CSMD1: variants seen among roughly 807,000 people sequenced by gnomAD.
The protein encoded by CSMD1 is CUB and sushi domain-containing protein 1.
CSMD1 carries 213 observed loss-of-function variants against 417.5 expected under a neutral mutation model. The observed-to-expected ratio is 0.51, with a 90% CI of 0.46 to 0.57. The LOEUF (loss-of-function observed/expected upper bound fraction) is 0.57, where lower values mean the gene tolerates loss of function less well. Ranked by LOEUF, CSMD1 falls within the 20% of genes least tolerant of loss-of-function variation. The pLI is 0.00. For missense variants in CSMD1, 6,923 were observed against 4,529.7 expected (o/e 1.53, Z -15.17); for synonymous variants, 2,862 against 1,736.8 (o/e 1.65, Z -16.11).
chr8:4,659,195 A>C (rs1300236231), intron 1 of CSMD1, among the ~76,000 whole-genome samples: 1 of 152,136 alleles, frequency 6.6e-6, no homozygotes, highest in Non-Finnish European at 1.5e-5. Flanking sequence ...GACACACAAA[A>C]ATATATATGG....
chr8:3,519,714 T>C (rs1239338243), intron 10 of CSMD1, among the ~76,000 whole-genome samples: 2 of 152,178 alleles, frequency 1.3e-5, no homozygotes, highest in Non-Finnish European at 2.9e-5. Context: ...TGGTGCACGC[T>C]ATACAATGGG....
intron 1 of CSMD1, among the ~76,000 whole-genome samples, chr8:4,952,649 TC>T (rs1808829934): frequency 6.6e-6 from 1 of 152,108 alleles, no homozygotes; most frequent in Admixed American, 6.6e-5. Context: ...TGGTAGAGGT[TC>T]AAATATGGAT....
At chr8:4,964,086 T>C (rs779146395) in intron 1 of CSMD1, among the ~76,000 whole-genome samples, 4 of 151,712 alleles carry the variant, frequency 2.6e-5, no homozygotes, top group Non-Finnish European at 5.9e-5. Context: ...TCTGGGTTTA[T>C]TTTATTTTTT....
Position 3,904,632 on chromosome 8 carries a change from T to G in CSMD1, c.818+93271A>C, listed in dbSNP as rs574646561. Among the ~76,000 whole-genome samples the G allele has an allele frequency of 7.3e-4, 99 of 136,052 alleles. 1 individual carries two copies. In the East Asian group the frequency reaches 0.017, roughly 23 times the overall value. 89.3% of individuals were successfully genotyped at this position (136,052 alleles called of 152,430 possible). A position where few individuals can be genotyped will look rare whatever the true frequency, so the allele number is the denominator to read the frequency against. ...CTTTTTCTCTTTCTTTCTTTCTCGT[T>G]TTCTTTCTTTTTTTTTTTTTTTGAG... On this transcript the variant is annotated intron_variant, in intron 5 of 69. Transcript: ENST00000635120.
chr8:4,660,464 G>C (rs1480975019), intron 1 of CSMD1, among the ~76,000 whole-genome samples: 1 of 151,994 alleles, frequency 6.6e-6, no homozygotes, highest in African/African-American at 2.4e-5. Context: ...TGACACACAG[G>C]TTTATTGCAA....
chr8:3,215,962 A>T (rs557731776), intron 29 of CSMD1, among the ~76,000 whole-genome samples: 55 of 150,622 alleles, frequency 3.7e-4, no homozygotes, highest in African/African-American at 1.3e-3. Context: ...CATCGTATAC[A>T]TTATATAAAG....
At chr8:3,268,597 T>C (rs1415826844) in intron 26 of CSMD1, among the ~76,000 whole-genome samples, 2 of 152,282 alleles carry the variant, frequency 1.3e-5, no homozygotes, top group African/African-American at 2.4e-5. Context: ...AGATGGTTCA[T>C]TTTAATGTTT....
At chr8:4,147,167 C>G (rs368261853) in intron 3 of CSMD1, among the ~76,000 whole-genome samples, 12 of 152,074 alleles carry the variant, frequency 7.9e-5, no homozygotes, top group Admixed American at 4.6e-4. Flanking sequence ...ACTCTCCCCC[C>G]CTGCCCCCAC....
intron 7 of CSMD1, among the ~76,000 whole-genome samples, chr8:3,661,317 G>A (rs1243002420): frequency 2.6e-5 from 4 of 152,044 alleles, no homozygotes; most frequent in Non-Finnish European, 4.4e-5. Flanking sequence ...CTCAAACAAG[G>A]CAAATGCCAA....
At chr8:3,720,589 T>G (rs1371600173) in intron 6 of CSMD1, among the ~76,000 whole-genome samples, 1 of 147,718 alleles carries the variant, frequency 6.8e-6, no homozygotes, top group Non-Finnish European at 1.5e-5. Flanking sequence ...AGGAGAAACC[T>G]CACAGCATTG....
rs1170271622 is a variant in CSMD1, at chr8:3,481,124, C to T, written c.1449-12300G>A. ...TGAGCCCAGATTAGCCACTGCACTCCAGCCTGGGCAACAGAGCGAGACTCC... is the reference window on the plus strand; with the variant it reads ...TGAGCCCAGATTAGCCACTGCACTCTAGCCTGGGCAACAGAGCGAGACTCC... On this transcript the variant is annotated intron_variant, in intron 11 of 69. Coordinates refer to ENST00000635120, the MANE Select transcript of CSMD1 (RefSeq NM_033225.6). 2.3e-5 allele frequency among the ~76,000 whole-genome samples: 3 copies of T among 132,628 alleles called. 1 individual carries two copies. The highest frequency in any genetic ancestry group is 4.6e-5 in the Non-Finnish European group (3 of 65,352). The allele number at this position is 132,628 out of a possible 152,430, so 87.0% of individuals were successfully genotyped here.
chr8:2,951,878 T>C (rs907898807), intron 65 of CSMD1, among the ~76,000 whole-genome samples: 2 of 152,224 alleles, frequency 1.3e-5, no homozygotes, highest in African/African-American at 2.4e-5. Context: ...TTATGTAATA[T>C]ATTCCATGAG....
At chr8:4,131,732 G>C (rs1283474109) in intron 3 of CSMD1, among the ~76,000 whole-genome samples, 1 of 137,054 alleles carries the variant, frequency 7.3e-6, no homozygotes, top group Admixed American at 7.4e-5. Flanking sequence ...TTGTTATCAA[G>C]ATTAAATTAG....
At chr8:4,874,523 G>A (rs565696362) in intron 1 of CSMD1, among the ~76,000 whole-genome samples, 1 of 151,300 alleles carries the variant, frequency 6.6e-6, no homozygotes, top group African/African-American at 2.4e-5. Flanking sequence ...CTGAGCAGCT[G>A]GGATTACGGG....
At chr8:3,737,118 T>C (rs550037374) in intron 6 of CSMD1, among the ~76,000 whole-genome samples, 1 of 152,362 alleles carries the variant, frequency 6.6e-6, no homozygotes, top group Admixed American at 6.5e-5. Flanking sequence ...TCCCATATTA[T>C]ATTTTAATCT....
rs375016109 is a variant in CSMD1, at chr8:4,763,027, T to G, written c.86-125469A>C. On this transcript the variant is annotated intron_variant, in intron 1 of 69. Transcript: ENST00000635120. The stretch of plus-strand genomic sequence containing the variant: ...GCAAAGACAGACTGTGAGTTTACCC[T>G]GCACCCCTAGCAAGACTTCCAGGGT... 2.8e-4 allele frequency among the ~76,000 whole-genome samples: 43 copies of G among 152,280 alleles called. No individual in the cohort carries two copies. The East Asian group carries it at 3.9e-3, about 14-fold the overall frequency.
intron 50 of CSMD1, among the ~76,000 whole-genome samples, chr8:3,046,887 T>C (rs895936877): frequency 2.6e-5 from 4 of 152,146 alleles, no homozygotes; most frequent in African/African-American, 9.7e-5. Context: ...TCTAATTGAA[T>C]CACGTAGCTT....
intron 10 of CSMD1, among the ~76,000 whole-genome samples, chr8:3,541,930 C>T (rs1020847670): frequency 6.6e-6 from 1 of 151,984 alleles, no homozygotes; most frequent in African/African-American, 2.4e-5. Context: ...GGCGTGGTGG[C>T]TTGTACACCC....
At chr8:3,614,367 A>G (rs1193116089) in intron 8 of CSMD1, among the ~76,000 whole-genome samples, 2 of 152,122 alleles carry the variant, frequency 1.3e-5, no homozygotes, top group Non-Finnish European at 2.9e-5. Context: ...AGCCAGATCA[A>G]CACAGCCCTC....
Sources: allele counts gnomAD v4.1 joint callset (sites outside exome capture counted in the v4.1 genomes callset), GRCh38; gene constraint gnomAD v4.1.1; transcripts MANE v1.5; gene names NCBI Gene and HGNC (gene_info 2026-07-23, HGNC 2026-07-21).